Variants in MCM5 observed in about 807,000 individuals in gnomAD.
MCM5 encodes DNA replication licensing factor MCM5.
In MCM5, 46 loss-of-function variants were observed where a neutral mutation model predicts 79.9. That is an observed-to-expected ratio of 0.58 (90% CI 0.45 to 0.74). The LOEUF is 0.74. Among genes scored for constraint, MCM5 ranks in the 30% least tolerant of loss-of-function variants. The pLI is 0.00. For missense variants in MCM5, 883 were observed against 1,017.0 expected (o/e 0.87, Z 1.79); for synonymous variants, 404 against 390.5 (o/e 1.03, Z -0.41).
At chr22:35,447,705 G>A in the MCM5 span, among the ~76,000 whole-genome samples, 1 of 152,270 alleles carries the variant, frequency 6.6e-6, no homozygotes, top group Non-Finnish European at 1.5e-5. Context: ...GACCTCAAGT[G>A]ATCGGCCTGT....
the MCM5 span, among the ~76,000 whole-genome samples, chr22:35,450,379 CA>C: frequency 6.6e-6 from 1 of 152,214 alleles, no homozygotes; most frequent in East Asian, 1.9e-4. Context: ...AAAGCCCTCG[CA>C]GGAAGACCCC....
the MCM5 span, among the ~76,000 whole-genome samples, chr22:35,438,856 TATCC>T: frequency 1.5e-3 from 163 of 109,596 alleles, 2 homozygotes; most frequent in African/African-American, 3.3e-3. Flanking sequence ...TCCACCCACA[TATCC>T]ATCCATCCAT....
chr22:35,418,425 G>T (rs1015953184), intron 13 of MCM5, among the ~76,000 whole-genome samples: 1 of 152,014 alleles, frequency 6.6e-6, no homozygotes, highest in South Asian at 2.1e-4. Flanking sequence ...TTTGGGAGGC[G>T]GAGGCAGGTG....
the MCM5 span, among the ~76,000 whole-genome samples, chr22:35,442,597 C>T: frequency 7.9e-5 from 12 of 152,156 alleles, no homozygotes; most frequent in African/African-American, 2.4e-4. Context: ...CCTCTAAGCC[C>T]GTCTTCAAAG....
chr22:35,406,300 C>CCCG (rs1176469360), intron 4 of MCM5, among the ~76,000 whole-genome samples: 3 of 137,678 alleles, frequency 2.2e-5, no homozygotes, highest in African/African-American at 5.7e-5. Flanking sequence ...CCTGCCACCT[C>CCCG]CCCCCCCAAT....
At chr22:35,446,511 C>T in the MCM5 span, among the ~76,000 whole-genome samples, 1 of 152,114 alleles carries the variant, frequency 6.6e-6, no homozygotes, top group African/African-American at 2.4e-5. Context: ...AGTGAATGAG[C>T]GAGTGGACGA....
the MCM5 span, among the ~76,000 whole-genome samples, chr22:35,446,982 G>GCATCACCAGA: frequency 1.3e-5 from 2 of 152,198 alleles, no homozygotes; most frequent in Non-Finnish European, 2.9e-5. Context: ...TGTACCCTAA[G>GCATCACCAGA]GCATCAGTCT....
intron 15 of MCM5, 192 bp downstream of exon 15, chr22:35,421,652 G>A (rs1932699357): frequency 1.4e-6 from 1 of 736,730 alleles, no homozygotes; most frequent in East Asian, 2.8e-5. Flanking sequence ...CCTCCAAGAT[G>A]GGAAGAAGCA....
chr22:35,424,655 T>TC lies in MCM5; in HGVS notation c.*402dup. 1 of 162,946 alleles carries TC rather than the reference T, an allele frequency of 6.1e-6. No homozygotes were observed. The highest frequency in any genetic ancestry group is 1.3e-5 in the Non-Finnish European group (1 of 75,294). The allele number at this position is 162,946 out of a possible 1,614,324, so 10.1% of individuals were successfully genotyped here. On this transcript the variant is annotated 3_prime_UTR_variant, in exon 17 of 17. Coordinates refer to ENST00000216122, the MANE Select transcript of MCM5 (RefSeq NM_006739.4). ...TGGGTAAGTCACGTGACTTGAGTGCTCCGGTTTCTTCATCTGTTTAGCGGG... is the reference window on the plus strand; with the variant it reads ...TGGGTAAGTCACGTGACTTGAGTGCTCCCGGTTTCTTCATCTGTTTAGCGGG...
chr22:35,428,989 T>TTC (rs1555905903), downstream of MCM5, among the ~76,000 whole-genome samples: 3 of 137,908 alleles, frequency 2.2e-5, no homozygotes, highest in African/African-American at 8.3e-5. Flanking sequence ...TTTTTTTTTT[T>TTC]TTTTTTTTCT....
At chr22:35,438,436 TATTC>T in the MCM5 span, among the ~76,000 whole-genome samples, 3 of 101,854 alleles carry the variant, frequency 2.9e-5, no homozygotes, top group African/African-American at 7.7e-5. Flanking sequence ...TCCATCCACA[TATTC>T]ATCCATCCAT....
downstream of MCM5, among the ~76,000 whole-genome samples, chr22:35,428,848 A>G (rs899932492): frequency 6.6e-6 from 1 of 151,700 alleles, no homozygotes; most frequent in African/African-American, 2.4e-5. Context: ...CTGGTTATTC[A>G]CAGGCATAGT....
chr22:35,436,754 G>A, the MCM5 span, among the ~76,000 whole-genome samples: 1 of 152,194 alleles, frequency 6.6e-6, no homozygotes, highest in Non-Finnish European at 1.5e-5. Flanking sequence ...CCTGTCCTAG[G>A]AAGGCAGCCT....
At chr22:35,446,558 C>T in the MCM5 span, among the ~76,000 whole-genome samples, 6 of 152,046 alleles carry the variant, frequency 3.9e-5, no homozygotes, top group Admixed American at 2.6e-4. Context: ...GTCTCGTGGG[C>T]GAGGCAGACA....
chr22:35,415,991 G>T lies in MCM5; in HGVS notation c.1347+19G>T, dbSNP rs545353415. 9 of 1,603,538 alleles carry T rather than the reference G, an allele frequency of 5.6e-6. No homozygotes were observed. The African/African-American group carries it at 1.2e-4, about 21-fold the overall frequency. ...TGACAAGGTGAGTCTGATGAGGTGG[G>T]TAGTAGCCAAAAGGTGGGTGGCACC... On this transcript the variant is annotated intron_variant, in intron 10 of 16. Coordinates refer to ENST00000216122, the MANE Select transcript of MCM5 (RefSeq NM_006739.4).
the MCM5 span, among the ~76,000 whole-genome samples, chr22:35,453,816 A>ATG: frequency 8.8e-6 from 1 of 114,264 alleles, no homozygotes; most frequent in Non-Finnish European, 1.8e-5. Flanking sequence ...ATATATATAT[A>ATG]TATAGAGAGA....
chr22:35,422,946 C>A (rs1333209554), intron 15 of MCM5: 7 of 294,396 alleles, frequency 2.4e-5, no homozygotes, highest in South Asian at 1.4e-4. Context: ...CTGGCCATGT[C>A]TCTGCTGCGC....
intron 15 of MCM5, 185 bp downstream of exon 15, chr22:35,421,645 C>T (rs769955797): frequency 6.5e-6 from 5 of 766,324 alleles, no homozygotes; most frequent in South Asian, 1.5e-5. Flanking sequence ...GCTGTTTCCT[C>T]CAAGATGGGA....
chr22:35,447,834 G>C, the MCM5 span, among the ~76,000 whole-genome samples: 1 of 152,192 alleles, frequency 6.6e-6, no homozygotes, highest in African/African-American at 2.4e-5. Flanking sequence ...GAGCGGGGCT[G>C]GGAGAGACCG....
Sources: gnomAD v4.1 joint callset for allele counts (sites outside exome capture counted in the v4.1 genomes callset) on GRCh38, gnomAD v4.1.1 for gene constraint, MANE v1.5 for transcripts, NCBI Gene and HGNC (gene_info 2026-07-23, HGNC 2026-07-21) for gene names.